The following ZNF385D variants were observed in gnomAD, a reference collection of about 807,000 sequenced individuals.
ZNF385D encodes zinc finger protein 385D.
A neutral mutation model predicts 35.8 loss-of-function variants in ZNF385D; 15 were observed. The observed-to-expected ratio is 0.42, with a 90% CI of 0.28 to 0.64. The LOEUF is 0.64. Ranked by LOEUF, ZNF385D falls within the 30% of genes least tolerant of loss-of-function variation. The pLI is 0.23. For missense variants in ZNF385D, 474 were observed against 494.6 expected, an observed-to-expected ratio of 0.96 and a Z score of 0.39; for synonymous variants, 212 against 186.8, an observed-to-expected ratio of 1.13 and a Z score of -1.10.
At chr3:21,665,081 A>G in intron 1 of ZNF385D, 53 bp from the exon 2 acceptor site, 1 of 1,514,872 alleles carries the variant, frequency 6.6e-7, no homozygotes, top group African/African-American at 1.4e-5. Flanking sequence ...ATGGAAAAAA[A>G]CACCAAAGTT....
At chr3:21,728,964 G>C (rs941209783) in intron 1 of ZNF385D, among the ~76,000 whole-genome samples, 6 of 152,154 alleles carry the variant, frequency 3.9e-5, no homozygotes, top group Admixed American at 2.0e-4. Flanking sequence ...CTAGTGTCTG[G>C]AACAGTGTTT....
chr3:21,841,021 T>A (rs1269040310), intron 3 of ZNF385D, among the ~76,000 whole-genome samples: 1 of 151,982 alleles, frequency 6.6e-6, no homozygotes, highest in African/African-American at 2.4e-5. Flanking sequence ...CTGGTGAATA[T>A]GAATGTGAAA....
chr3:22,233,042 T>C (rs1394274721), intron 2 of ZNF385D, among the ~76,000 whole-genome samples: 1 of 152,284 alleles, frequency 6.6e-6, no homozygotes, highest in South Asian at 2.1e-4. Flanking sequence ...GGTTTTCTCT[T>C]ACAAACCATG....
At chr3:22,078,321 A>C (rs1402873780) in intron 3 of ZNF385D, among the ~76,000 whole-genome samples, 1 of 152,068 alleles carries the variant, frequency 6.6e-6, no homozygotes, top group Non-Finnish European at 1.5e-5. Context: ...ATCGCATTGC[A>C]ATATAACCAA....
intron 2 of ZNF385D, among the ~76,000 whole-genome samples, chr3:21,595,807 C>T (rs1281631451): frequency 2.0e-5 from 3 of 152,112 alleles, no homozygotes; most frequent in Non-Finnish European, 4.4e-5. Context: ...TGTTTTGAGA[C>T]ATACAACTTC....
At chr3:21,704,527 G>T (rs1366536815) in intron 1 of ZNF385D, among the ~76,000 whole-genome samples, 2 of 151,128 alleles carry the variant, frequency 1.3e-5, no homozygotes, top group Admixed American at 1.3e-4. Context: ...TTTATTTATT[G>T]AGACAACGTC....
intron 3 of ZNF385D, among the ~76,000 whole-genome samples, chr3:22,083,272 TAAC>T (rs1700851980): frequency 6.6e-6 from 1 of 150,748 alleles, no homozygotes; most frequent in South Asian, 2.1e-4. Context: ...AGGTCGGTAA[TAAC>T]AAACTTCTCC....
intron 3 of ZNF385D, among the ~76,000 whole-genome samples, chr3:22,113,000 G>A (rs1363572214): frequency 2.6e-5 from 4 of 152,108 alleles, no homozygotes; most frequent in Non-Finnish European, 4.4e-5. Context: ...CTAGCTGTGT[G>A]GCCTTGGTCA....
chr3:21,700,795 T>C (rs1575488232), intron 1 of ZNF385D, among the ~76,000 whole-genome samples: 1 of 152,256 alleles, frequency 6.6e-6, no homozygotes, highest in East Asian at 1.9e-4. Flanking sequence ...TTAATGTTAA[T>C]GTCATGATTG....
intron 3 of ZNF385D, among the ~76,000 whole-genome samples, chr3:22,127,317 C>CCTTTTTTT (rs1703492425): frequency 1.2e-4 from 7 of 56,334 alleles, no homozygotes; most frequent in African/African-American, 5.5e-4. Flanking sequence ...TCATTTCCTG[C>CCTTTTTTT]TTTTTTTTTT....
chr3:21,581,185 G>A (rs1451719442), intron 2 of ZNF385D, among the ~76,000 whole-genome samples: 4 of 152,084 alleles, frequency 2.6e-5, no homozygotes, highest in South Asian at 4.1e-4. Context: ...CTGCAATAAC[G>A]TAGACCTGCT....
rs1497939 is a variant in ZNF385D, at chr3:21,961,577, T to G, written c.325+207240A>C. The G allele has an allele frequency of 2.0e-5, 3 of 152,058 alleles. 1 individual carries two copies. In the South Asian group the frequency reaches 6.2e-4, roughly 31 times the overall value. The allele number at this position is 152,058 out of a possible 1,614,324, so 9.4% of individuals were successfully genotyped here. On this transcript the variant is annotated intron_variant, in intron 3 of 5. Coordinates refer to the ZNF385D transcript ENST00000494108. ...AATAAATTTATTTCACATTTTAATT[T>G]TAATGCCTTTTATTTTTATAGAACA...
intron 3 of ZNF385D, among the ~76,000 whole-genome samples, chr3:21,933,844 G>A (rs1389070861): frequency 1.3e-5 from 2 of 151,936 alleles, no homozygotes; most frequent in Non-Finnish European, 1.5e-5. Context: ...ATTCTCTTAG[G>A]TTTTGTTTTC....
intron 3 of ZNF385D, among the ~76,000 whole-genome samples, chr3:22,060,562 A>C (rs926751762): frequency 6.6e-6 from 1 of 152,196 alleles, no homozygotes; most frequent in African/African-American, 2.4e-5. Context: ...TTGAAAATGC[A>C]CTAAATGTTC....
chr3:21,654,577 C>T (rs1283732596), intron 2 of ZNF385D, among the ~76,000 whole-genome samples: 1 of 152,028 alleles, frequency 6.6e-6, no homozygotes, highest in Non-Finnish European at 1.5e-5. Flanking sequence ...AAACATACAA[C>T]AAACAGAGCA....
intron 4 of ZNF385D, among the ~76,000 whole-genome samples, chr3:21,445,371 G>A (rs573824777): frequency 3.9e-5 from 6 of 152,244 alleles, no homozygotes; most frequent in East Asian, 1.9e-4. Flanking sequence ...ACTTAAGCTC[G>A]CCCTCAGAAT....
intron 4 of ZNF385D, among the ~76,000 whole-genome samples, chr3:21,482,992 A>T (rs1704745980): frequency 6.6e-6 from 1 of 152,160 alleles, no homozygotes; most frequent in Admixed American, 6.6e-5. Context: ...AAAACTAGAG[A>T]TTATATTCAC....
At chr3:22,239,761 G>T (rs1699384944) in intron 2 of ZNF385D, among the ~76,000 whole-genome samples, 1 of 150,914 alleles carries the variant, frequency 6.6e-6, no homozygotes, top group Non-Finnish European at 1.5e-5. Context: ...GAAATTTAGG[G>T]ACTGTTCTCC....
At chr3:21,725,813 C>T (rs938101347) in intron 1 of ZNF385D, among the ~76,000 whole-genome samples, 2 of 152,108 alleles carry the variant, frequency 1.3e-5, no homozygotes, top group African/African-American at 4.8e-5. Flanking sequence ...AAGACAGAAT[C>T]CTCCCTAACT....
Sources: gnomAD v4.1 joint callset for allele counts (sites outside exome capture counted in the v4.1 genomes callset) on GRCh38, gnomAD v4.1.1 for gene constraint, MANE v1.5 for transcripts, NCBI Gene and HGNC (gene_info 2026-07-23, HGNC 2026-07-21) for gene names.